The following KPNA3 variants were observed in gnomAD, a reference collection of about 807,000 sequenced individuals.
The protein encoded by KPNA3 is importin subunit alpha-4.
KPNA3 carries 13 observed loss-of-function variants against 73.8 expected under a neutral mutation model. The observed-to-expected ratio is 0.18, with a 90% CI of 0.11 to 0.28. The LOEUF (loss-of-function observed/expected upper bound fraction) is 0.28. Ranked by LOEUF, KPNA3 falls within the 10% of genes least tolerant of loss-of-function variation. KPNA3 has a pLI of 1.00. For synonymous variants in KPNA3, 186 were observed against 206.9 expected (o/e 0.90, Z 0.87); for missense variants, 360 against 618.1 (o/e 0.58, Z 4.43).
intron 6 of KPNA3, among the ~76,000 whole-genome samples, chr13:49,728,067 C>G (rs1031098441): frequency 6.6e-6 from 1 of 152,018 alleles, no homozygotes; most frequent in Non-Finnish European, 1.5e-5. Context: ...AACCCCATCT[C>G]TATTAAAAAT....
intron 6 of KPNA3, among the ~76,000 whole-genome samples, chr13:49,727,544 T>C (rs1954421714): frequency 6.7e-6 from 1 of 149,686 alleles, no homozygotes; most frequent in South Asian, 2.1e-4. Flanking sequence ...ATATAGCAAA[T>C]AGTGATATAC....
chr13:49,731,971 A>G lies in KPNA3; in HGVS notation c.383+400T>C, dbSNP rs1954474013. Among the ~76,000 whole-genome samples, 2 of 152,256 alleles carry G rather than the reference A, an allele frequency of 1.3e-5. 1 individual carries two copies. The highest frequency in any genetic ancestry group is 4.1e-4 in the South Asian group (2 of 4,830). On this transcript the variant is annotated intron_variant, in intron 6 of 16. Transcript: ENST00000261667. Reference sequence around the variant, plus strand: ...AGCTGGAAGATTCCCAGGGTAAGAAAGAGCCACTTAGTTCTGGAAACCATC... The same window carrying G: ...AGCTGGAAGATTCCCAGGGTAAGAAGGAGCCACTTAGTTCTGGAAACCATC...
chr13:49,710,762 G>T, intron 11 of KPNA3, 129 bp downstream of exon 11: 1 of 824,114 alleles, frequency 1.2e-6, no homozygotes, highest in Non-Finnish European at 1.9e-6. Context: ...AACAAAATCA[G>T]GCTCAGGGAC....
intron 1 of KPNA3, among the ~76,000 whole-genome samples, chr13:49,778,102 T>G (rs144253514): frequency 1.2e-3 from 190 of 152,352 alleles, no homozygotes; most frequent in African/African-American, 4.5e-3. Flanking sequence ...AACATAATAC[T>G]GATAGATGAC....
chr13:49,768,535 T>G (rs2137591025), intron 1 of KPNA3, among the ~76,000 whole-genome samples: 1 of 151,924 alleles, frequency 6.6e-6, no homozygotes, highest in Admixed American at 6.6e-5. Context: ...TTATTTCTCT[T>G]CCTGCCGGCC....
chr13:49,720,606 A>T (rs966394479), intron 9 of KPNA3, among the ~76,000 whole-genome samples: 12 of 151,982 alleles, frequency 7.9e-5, no homozygotes, highest in African/African-American at 2.7e-4. Flanking sequence ...AAATACAAAA[A>T]TTAGCCTGGC....
intron 1 of KPNA3, among the ~76,000 whole-genome samples, chr13:49,763,697 G>A (rs923940673): frequency 1.3e-5 from 2 of 152,170 alleles, no homozygotes; most frequent in Non-Finnish European, 2.9e-5. Flanking sequence ...CACTTTGGAG[G>A]CCTAGGTGGG....
chr13:49,720,576 T>C (rs1954345364), intron 9 of KPNA3, among the ~76,000 whole-genome samples: 1 of 151,918 alleles, frequency 6.6e-6, no homozygotes, highest in Non-Finnish European at 1.5e-5. Context: ...GCCAACATGG[T>C]GAAAACCCAT....
chr13:49,719,950 T>A, intron 9 of KPNA3, 131 bp from the exon 10 acceptor site: 1 of 595,768 alleles, frequency 1.7e-6, no homozygotes, highest in South Asian at 2.3e-5. Flanking sequence ...TGTCTGAATA[T>A]CTTTTAGGAA....
chr13:49,790,983 AT>A (rs1409483629), intron 1 of KPNA3, among the ~76,000 whole-genome samples: 1 of 152,198 alleles, frequency 6.6e-6, no homozygotes, highest in African/African-American at 2.4e-5. Context: ...CAGTTCCAAA[AT>A]TTCTTGTTCC....
intron 6 of KPNA3, 149 bp downstream of exon 6, chr13:49,732,222 T>C (rs1397241030): frequency 1.2e-5 from 5 of 433,808 alleles, no homozygotes; most frequent in Non-Finnish European, 2.1e-5. Flanking sequence ...CTGCTAAATA[T>C]GATCACAGAA....
chr13:49,763,541 C>T (rs1012859044), intron 1 of KPNA3, among the ~76,000 whole-genome samples: 1 of 152,194 alleles, frequency 6.6e-6, no homozygotes, highest in African/African-American at 2.4e-5. Flanking sequence ...ATTCAAGACA[C>T]CCAACAAACT....
At chr13:49,738,244 A>G (rs552060353) in intron 2 of KPNA3, among the ~76,000 whole-genome samples, 1 of 152,300 alleles carries the variant, frequency 6.6e-6, no homozygotes, top group South Asian at 2.1e-4. Flanking sequence ...CCAATAACAC[A>G]CAGTATTGAT....
intron 1 of KPNA3, among the ~76,000 whole-genome samples, chr13:49,755,349 C>T (rs1029800246): frequency 2.4e-4 from 36 of 151,522 alleles, no homozygotes; most frequent in Admixed American, 6.6e-4. Flanking sequence ...AGTTAACATT[C>T]TAGTGGTGAA....
At chr13:49,786,459 T>C (rs1594466169) in intron 1 of KPNA3, among the ~76,000 whole-genome samples, 1 of 152,342 alleles carries the variant, frequency 6.6e-6, no homozygotes, top group South Asian at 2.1e-4. Flanking sequence ...AAGTATACTG[T>C]AAGTCAGGAA....
intron 6 of KPNA3, among the ~76,000 whole-genome samples, chr13:49,728,037 C>T (rs552615784): frequency 2.8e-4 from 43 of 152,110 alleles, no homozygotes; most frequent in African/African-American, 8.9e-4. Context: ...AGATCGAGAC[C>T]ATCCTGGCTA....
intron 10 of KPNA3, among the ~76,000 whole-genome samples, chr13:49,715,677 C>T (rs1954297988): frequency 6.6e-6 from 1 of 152,170 alleles, no homozygotes; most frequent in South Asian, 2.1e-4. Flanking sequence ...AACAAGAATA[C>T]AAACCTTCCC....
chr13:49,792,008 G>A (rs1955037373), intron 1 of KPNA3, among the ~76,000 whole-genome samples: 1 of 152,190 alleles, frequency 6.6e-6, no homozygotes, highest in South Asian at 2.1e-4. Context: ...TGAGCCGCGC[G>A]GGAGGCGCAG....
In KPNA3 at chr13:49,725,434, G is replaced by C. The variant is rs760399906; in HGVS notation, c.451C>G (p.Gln151Glu). 6.2e-7 allele frequency: 1 copy of C among 1,611,490 alleles called. No individual in the cohort carries two copies. The highest frequency in any genetic ancestry group is 1.1e-5 in the South Asian group (1 of 90,826). ...TACTTACTAGACTGCACAACAGCTT[G>C]AGTCTGTGCAGAAGTTCCTGATGCT... ...NIASGTSAQT[Q>E]AVVQSNAVPL... The change falls in exon 7 of 17, where the codon CAA (glutamine) becomes GAA (glutamate). Residue 151 changes from glutamine (Q) to glutamate (E), a missense_variant. Gln to Glu is a conservative substitution (Grantham distance 29). Transcript: ENST00000261667.
Sources: allele counts gnomAD v4.1 joint callset (sites outside exome capture counted in the v4.1 genomes callset), GRCh38; gene constraint gnomAD v4.1.1; transcripts MANE v1.5; gene names NCBI Gene and HGNC (gene_info 2026-07-23, HGNC 2026-07-21).